DNAAF4: variants seen among roughly 807,000 people sequenced by gnomAD.
DNAAF4 encodes dynein assembly factor 4, axonemal.
DNAAF4 carries 43 observed loss-of-function variants against 51.8 expected under a neutral mutation model. The ratio of observed to expected loss-of-function variants is 0.83; its 90% CI spans 0.65 to 1.07. DNAAF4 has a LOEUF of 1.07. Among genes scored for constraint, DNAAF4 ranks in the 50% least tolerant of loss-of-function variants. The pLI, the probability that DNAAF4 is intolerant of heterozygous loss-of-function variation, is 0.00. For missense variants in DNAAF4, 581 were observed against 493.0 expected (o/e 1.18, Z -1.69); for synonymous variants, 194 against 165.6 (o/e 1.17, Z -1.32).
intron 3 of DNAAF4, among the ~76,000 whole-genome samples, chr15:55,497,005 A>G (rs1595958941): frequency 1.3e-5 from 2 of 152,024 alleles, no homozygotes; most frequent in South Asian, 4.2e-4. Context: ...TCAACACCAC[A>G]CTCTGACAAA....
At chr15:55,432,799 A>T (rs991928463) in intron 8 of DNAAF4, among the ~76,000 whole-genome samples, 197 bp from the exon 9 acceptor site, 1 of 151,044 alleles carries the variant, frequency 6.6e-6, no homozygotes, top group Non-Finnish European at 1.5e-5. Context: ...AAAATACAAA[A>T]ATTATCTGGC....
intron 4 of DNAAF4, among the ~76,000 whole-genome samples, chr15:55,489,430 T>G (rs1369907949): frequency 2.0e-5 from 3 of 151,974 alleles, no homozygotes; most frequent in Non-Finnish European, 4.4e-5. Flanking sequence ...TCCCAACACT[T>G]TGGGAGGCCA....
intron 7 of DNAAF4, among the ~76,000 whole-genome samples, chr15:55,435,260 A>G (rs984390450): frequency 7.0e-6 from 1 of 142,942 alleles, no homozygotes; most frequent in Non-Finnish European, 1.5e-5. Context: ...CCCACCTCCA[A>G]GGGTAGACAT....
chr15:55,431,285 A>C (rs886198792), intron 9 of DNAAF4, among the ~76,000 whole-genome samples: 2 of 152,008 alleles, frequency 1.3e-5, no homozygotes, highest in Admixed American at 1.3e-4. Context: ...TACAGAACTT[A>C]ATACAATCTA....
At position 55,446,765 on chromosome 15, in the gene DNAAF4, G is replaced by C. The variant is rs568608469; in HGVS notation, c.783+3457C>G. Reference sequence around the variant, plus strand: ...CACTCCTCACATCCCAGACAGGGTGGTGGCCAGGCAGAGGCGCTCCTCACA... The same window carrying C: ...CACTCCTCACATCCCAGACAGGGTGCTGGCCAGGCAGAGGCGCTCCTCACA... On this transcript the variant is annotated intron_variant, in intron 6 of 9. Transcript: ENST00000321149. 1.4e-4 allele frequency among the ~76,000 whole-genome samples: 21 copies of C among 148,842 alleles called. No homozygotes were observed. In the East Asian group the frequency reaches 4.1e-3, roughly 29 times the overall value.
At chr15:55,432,659 CA>C in intron 8 of DNAAF4, 57 bp from the exon 9 acceptor site, 6 of 1,489,668 alleles carry the variant, frequency 4.0e-6, no homozygotes, top group Non-Finnish European at 5.5e-6. Context: ...TTTAAACAAG[CA>C]AAAGGCTGGG....
Position 55,424,446 on chromosome 15 carries a change from T to C in DNAAF4, c.1048-6313A>G, listed in dbSNP as rs751736705. ...GCACCTACTTTTTCCCTAGATGGCA[T>C]GTGCAAAATCCTTTGCCCTTATTTC... On this transcript the variant is annotated intron_variant, in intron 7 of 7. Coordinates refer to the DNAAF4 transcript ENST00000448430. Among the ~76,000 whole-genome samples the C allele has an allele frequency of 4.6e-5, 7 of 152,264 alleles. 1 individual carries two copies. The South Asian group carries it at 1.0e-3, about 22-fold the overall frequency.
At chr15:55,436,110 C>T (rs937269483) in intron 7 of DNAAF4, among the ~76,000 whole-genome samples, 3 of 152,104 alleles carry the variant, frequency 2.0e-5, no homozygotes, top group Non-Finnish European at 2.9e-5. Flanking sequence ...TTTTGGGAAC[C>T]ACAATAGTGT....
At chr15:55,458,234 GCTC>G (rs948020940) in intron 5 of DNAAF4, among the ~76,000 whole-genome samples, 4 of 152,150 alleles carry the variant, frequency 2.6e-5, no homozygotes, top group African/African-American at 4.8e-5. Context: ...TGATTATTAA[GCTC>G]CTCAAGAAGG....
chr15:55,422,191 TAG>T (rs1293408367), intron 7 of DNAAF4, among the ~76,000 whole-genome samples: 1 of 151,838 alleles, frequency 6.6e-6, no homozygotes, highest in African/African-American at 2.4e-5. Context: ...AAACATAAAA[TAG>T]AGTTAGGAGG....
intron 4 of DNAAF4, among the ~76,000 whole-genome samples, chr15:55,473,198 A>AAAAATATATATAT (rs1209754897): frequency 6.6e-5 from 5 of 75,744 alleles, no homozygotes; most frequent in African/African-American, 1.6e-4. Flanking sequence ...AAAAAAAAAA[A>AAAAATATATATAT]ATATATATAT....
chr15:55,463,262 A>G (rs2058121505), intron 5 of DNAAF4, among the ~76,000 whole-genome samples: 1 of 151,888 alleles, frequency 6.6e-6, no homozygotes, highest in African/African-American at 2.4e-5. Flanking sequence ...CCCTCAGCAA[A>G]ATGGGCACAG....
chr15:55,482,397 C>A (rs1422086575), intron 4 of DNAAF4, among the ~76,000 whole-genome samples: 2 of 152,120 alleles, frequency 1.3e-5, no homozygotes, highest in Non-Finnish European at 2.9e-5. Context: ...ACACTCAAGG[C>A]CAGGCGTGGT....
chr15:55,477,709 A>G (rs1324402562), intron 4 of DNAAF4, among the ~76,000 whole-genome samples: 1 of 152,036 alleles, frequency 6.6e-6, no homozygotes, highest in African/African-American at 2.4e-5. Flanking sequence ...TTTTTTATCT[A>G]TATAGGTAAA....
chr15:55,463,101 G>T (rs1484371457), intron 5 of DNAAF4, among the ~76,000 whole-genome samples: 1 of 151,892 alleles, frequency 6.6e-6, no homozygotes, highest in African/African-American at 2.4e-5. Context: ...TTGAATTTGG[G>T]AGGCAGAGGT....
chr15:55,451,037 C>T (rs2057924421), intron 5 of DNAAF4, among the ~76,000 whole-genome samples: 2 of 152,110 alleles, frequency 1.3e-5, no homozygotes, highest in African/African-American at 4.8e-5. Context: ...GTGGAGGTTG[C>T]AGTTAGCCGA....
chr15:55,495,273 C>T (rs2058626274), intron 3 of DNAAF4: 1 of 148,924 alleles, frequency 6.7e-6, no homozygotes, highest in Non-Finnish European at 1.5e-5. Flanking sequence ...AACCAGTATT[C>T]TCTGAGCTGA....
chr15:55,482,164 G>A (rs1469486634), intron 4 of DNAAF4, among the ~76,000 whole-genome samples: 1 of 152,102 alleles, frequency 6.6e-6, no homozygotes, highest in East Asian at 1.9e-4. Flanking sequence ...TGTTTAATGT[G>A]CCAAGAACTG....
downstream of DNAAF4, among the ~76,000 whole-genome samples, chr15:55,427,644 T>G (rs1332548657): frequency 1.3e-5 from 2 of 150,752 alleles, no homozygotes; most frequent in Non-Finnish European, 3.0e-5. Context: ...ATGACTTCTT[T>G]TTTTTTTTGA....
Sources: allele counts gnomAD v4.1 joint callset (sites outside exome capture counted in the v4.1 genomes callset), GRCh38; gene constraint gnomAD v4.1.1; transcripts MANE v1.5; gene names NCBI Gene and HGNC (gene_info 2026-07-23, HGNC 2026-07-21).